THEM5: variants seen among roughly 807,000 people sequenced by gnomAD.
The protein encoded by THEM5 is thioesterase superfamily member 5, also known as acyl-coenzyme A thioesterase THEM5.
A neutral mutation model predicts 24.2 loss-of-function variants in THEM5; 28 were observed. That is an observed-to-expected ratio of 1.16 (90% CI 0.86 to 1.59). The LOEUF is 1.59. THEM5 is among the 40% of genes most tolerant of loss of function. THEM5 has a pLI of 0.00. For synonymous variants in THEM5, 87 were observed against 114.5 expected (o/e 0.76, Z 1.53); for missense variants, 260 against 296.8 (o/e 0.88, Z 0.91).
At chr1:151,852,542 C>T (rs1025832532) in intron 1 of THEM5, 83 bp from the exon 2 acceptor site, 16 of 1,295,644 alleles carry the variant, frequency 1.2e-5, no homozygotes, top group Non-Finnish European at 1.8e-5. Flanking sequence ...ACAGCTGTTC[C>T]TGGGTGCTGG....
Position 151,847,752 on chromosome 1 carries a change from T to G in THEM5, c.686A>C (p.Tyr229Ser). Residue 229 changes from tyrosine to serine, a missense_variant, in exon 5 of 6, where the codon TAT (tyrosine) becomes TCT (serine). By Grantham distance (144) the Tyr-to-Ser change is moderately radical (BLOSUM62 -2). Transcript: ENST00000368817. ...IAHSRDQQTV[Y>S]AKSSGVFLQL... ...GGCTCCTTTACCTGAGGACTTGGCA[T>G]AAACTGTCTGCTGGTCTCTGCTGTG... is the stretch of plus-strand genomic sequence containing the variant. 6.2e-7 allele frequency: 1 copy of G among 1,613,638 alleles called. No individual in the cohort carries two copies. The highest frequency in any genetic ancestry group is 1.1e-5 in the South Asian group (1 of 91,032).
intron 1 of THEM5, 121 bp from the exon 2 acceptor site, chr1:151,852,580 T>A (rs1653159719): frequency 5.4e-6 from 5 of 931,108 alleles, no homozygotes; most frequent in Non-Finnish European, 8.3e-6. Context: ...TGCCAGAGTA[T>A]CGATCCAAGG....
At chr1:151,848,065 T>G (rs1023117908) in intron 4 of THEM5, 117 bp downstream of exon 4, 7 of 1,415,592 alleles carry the variant, frequency 4.9e-6, no homozygotes, top group Non-Finnish European at 4.9e-6. Context: ...TGCTTGGGAG[T>G]GGGCTGGGGA....
chr1:151,848,532 C>T (rs1653014704), intron 3 of THEM5, among the ~76,000 whole-genome samples: 1 of 152,208 alleles, frequency 6.6e-6, no homozygotes. Flanking sequence ...GCGTTTGCAG[C>T]CAATGATACA....
intron 1 of THEM5, among the ~76,000 whole-genome samples, chr1:151,852,918 C>T (rs1653166574): frequency 1.3e-5 from 2 of 152,218 alleles, no homozygotes; most frequent in Non-Finnish European, 2.9e-5. Context: ...ACCATTCTAG[C>T]AACCCCCACC....
chr1:151,847,603 A>T (rs933178770), intron 5 of THEM5, 135 bp downstream of exon 5: 4 of 1,367,556 alleles, frequency 2.9e-6, no homozygotes, highest in Non-Finnish European at 4.1e-6. Context: ...TGTCCCTAGT[A>T]GGTGCCCTAT....
chr1:151,852,609 T>G, intron 1 of THEM5, 150 bp from the exon 2 acceptor site: 3 of 708,578 alleles, frequency 4.2e-6, no homozygotes, highest in South Asian at 3.6e-5. Context: ...CCATATTCCT[T>G]GCAGGGGGGC....
At chr1:151,849,489 A>C (rs1312408720) in intron 3 of THEM5, among the ~76,000 whole-genome samples, 1 of 152,062 alleles carries the variant, frequency 6.6e-6, no homozygotes, top group Non-Finnish European at 1.5e-5. Flanking sequence ...TTTAGTCTCT[A>C]TCCACCCAGT....
intron 3 of THEM5, 35 bp from the exon 4 acceptor site, chr1:151,848,327 G>T (rs1202035908): frequency 6.5e-7 from 1 of 1,549,378 alleles, no homozygotes; most frequent in East Asian, 2.2e-5. Context: ...CAAGGCCTGG[G>T]CTGGGGCTGC....
At chr1:151,853,367 AGAG>A (rs982848523) in intron 1 of THEM5, 73 bp downstream of exon 1, 33 of 1,521,352 alleles carry the variant, frequency 2.2e-5, no homozygotes, top group Non-Finnish European at 1.1e-5. Flanking sequence ...TGGGCTGGGA[AGAG>A]GAGATTTGGG....
intron 3 of THEM5, among the ~76,000 whole-genome samples, chr1:151,849,030 C>T (rs1215434058): frequency 6.6e-6 from 1 of 152,062 alleles, no homozygotes; most frequent in Non-Finnish European, 1.5e-5. Context: ...ACCAGCTTGG[C>T]CAGTATGGTG....
At position 151,851,154 on chromosome 1, in the gene THEM5, TTGGA is replaced by T. The variant is rs758447423; in HGVS notation, c.359_362del (p.Ile120LysfsTer45). On this transcript the variant is annotated frameshift_variant, in exon 3 of 6. Transcript: ENST00000368817. LOFTEE classifies it high-confidence loss of function. ...CATACTCAAAGCCTTGTCCTTCCAC[TTGGA>T]TGCACCTGGTGAAGATGCGACAGTC... is the stretch of plus-strand genomic sequence containing the variant. 8 of 1,614,084 alleles carry T rather than the reference TTGGA, an allele frequency of 5.0e-6. No individual in the cohort carries two copies. Among genetic ancestry groups the T allele is most frequent in the African/African-American group, 1.3e-5 (1 of 74,930 alleles).
intron 1 of THEM5, 145 bp from the exon 2 acceptor site, chr1:151,852,604 T>C: frequency 2.7e-6 from 2 of 750,084 alleles, no homozygotes; most frequent in Non-Finnish European, 4.3e-6. Flanking sequence ...AGGGCCCATA[T>C]TCCTTGCAGG....
At chr1:151,851,219 C>T (rs201309287) in intron 2 of THEM5, 28 bp from the exon 3 acceptor site, 27 of 1,613,730 alleles carry the variant, frequency 1.7e-5, no homozygotes, top group Middle Eastern at 1.6e-4. Context: ...GTGTTGCAGC[C>T]GGAGAAGGGA....
intron 3 of THEM5, 24 bp from the exon 4 acceptor site, chr1:151,848,316 G>A (rs758225878): frequency 1.3e-6 from 2 of 1,595,912 alleles, no homozygotes; most frequent in Non-Finnish European, 1.7e-6. Flanking sequence ...AAGGTGAGGA[G>A]CAAGGCCTGG....
At chr1:151,847,915 C>T in intron 4 of THEM5, 53 bp from the exon 5 acceptor site, 1 of 1,609,408 alleles carries the variant, frequency 6.2e-7, no homozygotes, top group Non-Finnish European at 8.5e-7. Context: ...GTTCCCCATC[C>T]CTTCACTCTC....
Position 151,853,514 on chromosome 1 carries a change from G to A in THEM5, c.52C>T (p.Leu18Phe), listed in dbSNP as rs761734311. 2.5e-6 allele frequency: 4 copies of A among 1,614,002 alleles called. No homozygotes were observed. The highest frequency in any genetic ancestry group is 3.4e-6 in the Non-Finnish European group (4 of 1,179,944). The change falls in exon 1 of 6, where the codon CTT becomes TTT. Residue 18 changes from leucine to phenylalanine, a missense_variant. Physicochemically the swap from Leu to Phe is conservative, Grantham distance 22. Transcript: ENST00000368817. ...VAARLGHHRG[L>F]LEAPRILPRL... Reference sequence around the variant, plus strand: ...GGCAGGATACGGGGGGCCTCAAGAAGGCCTCTGTGGTGGCCAAGTCTTGCT... The same window carrying A: ...GGCAGGATACGGGGGGCCTCAAGAAAGCCTCTGTGGTGGCCAAGTCTTGCT...
chr1:151,851,267 T>G (rs1208122395), intron 2 of THEM5, 76 bp from the exon 3 acceptor site: 1 of 1,586,514 alleles, frequency 6.3e-7, no homozygotes, highest in East Asian at 2.2e-5. Context: ...GGTTGAGTCT[T>G]GCCTCTGGTA....
chr1:151,847,894 A>G, intron 4 of THEM5, 32 bp from the exon 5 acceptor site: 1 of 1,612,982 alleles, frequency 6.2e-7, no homozygotes, highest in Non-Finnish European at 8.5e-7. Context: ...CCCATCTCTC[A>G]TGTGAACCCG....
Sources: allele counts gnomAD v4.1 joint callset (sites outside exome capture counted in the v4.1 genomes callset), GRCh38; gene constraint gnomAD v4.1.1; transcripts MANE v1.5; gene names NCBI Gene and HGNC (gene_info 2026-07-23, HGNC 2026-07-21).